The following CRMP1 variants were observed in gnomAD, a reference collection of about 807,000 sequenced individuals.
CRMP1 encodes collapsin response mediator protein 1.
Under a neutral mutation model 68.3 loss-of-function variants are expected in CRMP1, and 19 were observed. The observed-to-expected ratio is 0.28, with a 90% CI of 0.19 to 0.41. CRMP1 has a LOEUF of 0.41. Among genes scored for constraint, CRMP1 ranks in the 10% least tolerant of loss-of-function variants. The pLI is 1.00. For synonymous variants in CRMP1, 439 were observed against 399.6 expected, an observed-to-expected ratio of 1.10 and a Z score of -1.18; for missense variants, 791 against 967.4, an observed-to-expected ratio of 0.82 and a Z score of 2.42.
At chr4:5,852,305 CAA>C (rs550162795) in intron 4 of CRMP1, among the ~76,000 whole-genome samples, 2 of 152,208 alleles carry the variant, frequency 1.3e-5, no homozygotes, top group Admixed American at 6.5e-5. Flanking sequence ...CCCATTTCTG[CAA>C]AGAGGACATT....
chr4:5,836,078 C>T lies in CRMP1; in HGVS notation c.1460G>A (p.Gly487Asp). ...TVVWDKAVAT[G>D]KMDENQFVAV... ...GACAAACTGGTTCTCATCCATTTTG[C>T]CAGTAGCCTACAGGCAAGACCCACA... The change falls in exon 11 of 14, where the codon GGC becomes GAC. Residue 487 changes from glycine to aspartate, a missense_variant. Transcript: ENST00000324989. The T allele has an allele frequency of 6.6e-7, 1 of 1,517,262 alleles. No homozygotes were observed. The highest frequency in any genetic ancestry group is 8.8e-7 in the Non-Finnish European group (1 of 1,134,430). 94.0% of individuals were successfully genotyped at this position (1,517,262 alleles called of 1,614,324 possible). A position where few individuals can be genotyped will look rare whatever the true frequency, so the allele number is the denominator to read the frequency against.
chr4:5,846,794 T>TA (rs1712249913), intron 6 of CRMP1, among the ~76,000 whole-genome samples: 1 of 92,442 alleles, frequency 1.1e-5, no homozygotes. Flanking sequence ...TTTTTTTTTT[T>TA]AGTAGAGGCA....
rs372859775 is a variant in CRMP1, at chr4:5,849,529, C to T, written c.883-57G>A. 4.4e-4 allele frequency: 514 copies of T among 1,169,668 alleles called. 1 individual carries two copies. The African/African-American group carries it at 6.9e-3, about 16-fold the overall frequency. The allele number at this position is 1,169,668 out of a possible 1,614,324, so 72.5% of individuals were successfully genotyped here. The stretch of plus-strand genomic sequence containing the variant: ...ATTTAAAAAAAAAAAAAAATCACAG[C>T]GTGTGCATTCATGAAGACCGTTCCG... On this transcript the variant is annotated intron_variant, in intron 5 of 13. Coordinates refer to ENST00000324989, the MANE Select transcript of CRMP1 (RefSeq NM_001014809.3).
At position 5,835,968 on chromosome 4, in the gene CRMP1, C is replaced by T; in HGVS notation, c.1570G>A (p.Val524Ile). 1.3e-6 allele frequency: 2 copies of T among 1,596,846 alleles called. No homozygotes were observed. Among genetic ancestry groups the T allele is most frequent in the South Asian group, 1.1e-5 (1 of 87,566 alleles). The change falls in exon 11 of 14, where the codon GTC becomes ATC. Residue 524 changes from valine (V) to isoleucine (I), a missense_variant. Physicochemically the swap from Val to Ile is conservative, Grantham distance 29. Transcript: ENST00000324989. ...TTCAACTTGTCGGGGTCCCAGATGA[C>T]CACGTCGGCATCCGAGCCCACGGCA... ...RIAVGSDADV[V>I]IWDPDKLKTI...
rs938849744 is a variant in CRMP1, at chr4:5,884,776, C to T, written c.381+7813G>A. On this transcript the variant is annotated intron_variant, in intron 1 of 13. Coordinates refer to ENST00000324989, the MANE Select transcript of CRMP1 (RefSeq NM_001014809.3). Reference sequence around the variant, plus strand: ...ATGAAGCTTCATTTTTAATAATACCCCGTCATCATCATGGTGGACACTCTT... The same window carrying T: ...ATGAAGCTTCATTTTTAATAATACCTCGTCATCATCATGGTGGACACTCTT... Among the ~76,000 whole-genome samples the T allele has an allele frequency of 3.9e-5, 6 of 151,948 alleles. 1 individual carries two copies. The highest frequency in any genetic ancestry group is 8.8e-5 in the Non-Finnish European group (6 of 68,008).
rs1221466438 is a variant in CRMP1 at position 5,855,101 on chromosome 4, A to G, written c.820+1042T>C. On this transcript the variant is annotated intron_variant, in intron 4 of 13. Coordinates refer to ENST00000324989, the MANE Select transcript of CRMP1 (RefSeq NM_001014809.3). This position sits in a 1 kb window ranked among gnomAD's most constrained non-coding sequence, Gnocchi z 4.9. ...CTCATAAAATGTTAAGTGAAAAAAG[A>G]AGGGTTCCACATAACAGCTATTGCA... 1.3e-5 allele frequency among the ~76,000 whole-genome samples: 2 copies of G among 152,224 alleles called. No homozygotes were observed. Among genetic ancestry groups the G allele is most frequent in the Non-Finnish European group, 2.9e-5 (2 of 68,036 alleles).
rs1388297768 is a variant in CRMP1, at chr4:5,888,649, C to T, written c.381+3940G>A. The T allele has an allele frequency of 1.0e-6, 1 of 974,030 alleles. No individual in the cohort carries two copies. Among genetic ancestry groups the T allele is most frequent in the East Asian group, 1.2e-4 (1 of 8,478 alleles). The allele number at this position is 974,030 out of a possible 1,614,324, so 60.3% of individuals were successfully genotyped here. On this transcript the variant is annotated intron_variant, in intron 1 of 13. Transcript: ENST00000324989. This position sits in a 1 kb window ranked among gnomAD's most constrained non-coding sequence, Gnocchi z 6.4. Reference sequence around the variant, plus strand: ...CGCCCCCCGCCCCCCACCCGCCCAGCCCCGCCGACCCCCGCCCTGCGCACA... The same window carrying T: ...CGCCCCCCGCCCCCCACCCGCCCAGTCCCGCCGACCCCCGCCCTGCGCACA...
At chr4:5,864,414 C>T (rs1256678270) in intron 2 of CRMP1, among the ~76,000 whole-genome samples, 2 of 152,218 alleles carry the variant, frequency 1.3e-5, no homozygotes, top group Non-Finnish European at 2.9e-5. Context: ...TTGACACATC[C>T]TGACACCCTT....
At chr4:5,871,946 C>A (rs1448663781) in intron 1 of CRMP1, among the ~76,000 whole-genome samples, 1 of 152,186 alleles carries the variant, frequency 6.6e-6, no homozygotes, top group East Asian at 1.9e-4. Flanking sequence ...TCTGATCCCA[C>A]CTCGCAGGGA....
intron 1 of CRMP1, among the ~76,000 whole-genome samples, chr4:5,886,230 C>T (rs1021005294): frequency 1.3e-5 from 2 of 152,214 alleles, no homozygotes; most frequent in Non-Finnish European, 2.9e-5. Context: ...ATTGAAACCA[C>T]CTTTAGAGGC....
chr4:5,840,533 G>C (rs1711642791), intron 8 of CRMP1, among the ~76,000 whole-genome samples: 2 of 152,266 alleles, frequency 1.3e-5, no homozygotes. Context: ...TGCAGCGAGG[G>C]GGGTGCCCTG....
At chr4:5,830,014 T>C (rs368392929) in intron 11 of CRMP1, among the ~76,000 whole-genome samples, 1 of 152,190 alleles carries the variant, frequency 6.6e-6, no homozygotes, top group South Asian at 2.1e-4. Flanking sequence ...GTAAACAGTA[T>C]CTATGTATAT....
rs1381118539 is a variant in CRMP1 at position 5,889,148 on chromosome 4, C to T, written c.381+3441G>A. Among the ~76,000 whole-genome samples the T allele has an allele frequency of 6.6e-6, 1 of 152,118 alleles. No homozygotes were observed. The highest frequency in any genetic ancestry group is 1.5e-5 in the Non-Finnish European group (1 of 68,014). On this transcript the variant is annotated intron_variant, in intron 1 of 13. Transcript: ENST00000324989. This position sits in a 1 kb window ranked among gnomAD's most constrained non-coding sequence, Gnocchi z 4.5. ...CACCCTCTCCATCCTAGCATTGAAC[C>T]AGCCCTCCCTGGGGGCCTCTAAGGT...
intron 4 of CRMP1, among the ~76,000 whole-genome samples, chr4:5,852,644 A>G (rs1712743359): frequency 6.6e-6 from 1 of 152,234 alleles, no homozygotes; most frequent in Non-Finnish European, 1.5e-5. Context: ...GTCCACTGAT[A>G]TTGGATGCAA....
intron 9 of CRMP1, among the ~76,000 whole-genome samples, chr4:5,837,496 T>C (rs925420570): frequency 1.4e-5 from 2 of 147,754 alleles, no homozygotes; most frequent in Admixed American, 1.3e-4. Context: ...GGCGTGGTGG[T>C]GGGCGCTTGT....
At position 5,872,125 on chromosome 4, in the gene CRMP1, ATAGAACT is replaced by A. The variant is rs372834779; in HGVS notation, c.382-5376_382-5370del. ...AGAATCCATGACACCTCATAAGAAG[ATAGAACT>A]TAGAACCCTCCCCCACCCAAGTAAT... On this transcript the variant is annotated intron_variant, in intron 1 of 13. Transcript: ENST00000324989. This position sits in a 1 kb window ranked among gnomAD's most constrained non-coding sequence, Gnocchi z 4.6. Among the ~76,000 whole-genome samples, 219 of 152,268 alleles carry A rather than the reference ATAGAACT, an allele frequency of 1.4e-3. 2 individuals are homozygous for A. The highest frequency in any genetic ancestry group is 4.6e-3 in the African/African-American group (192 of 41,560).
chr4:5,858,827 T>C lies in CRMP1; in HGVS notation c.655+2199A>G, dbSNP rs1409000853. Among the ~76,000 whole-genome samples the C allele has an allele frequency of 1.3e-5, 2 of 152,062 alleles. No homozygotes were observed. The highest frequency in any genetic ancestry group is 2.4e-5 in the African/African-American group (1 of 41,384). ...CCTCACAGGATGTCATCCCTCAATC[T>C]CGACACCCCTGCACCGTGGGCCTCC... is the stretch of plus-strand genomic sequence containing the variant. On this transcript the variant is annotated intron_variant, in intron 3 of 13. Coordinates refer to ENST00000324989, the MANE Select transcript of CRMP1 (RefSeq NM_001014809.3). The surrounding 1 kb of genome is among the most constrained non-coding windows in gnomAD (Gnocchi z 5.5).
At chr4:5,887,769 T>C in intron 1 of CRMP1, 3 of 986,158 alleles carry the variant, frequency 3.0e-6, no homozygotes, top group Non-Finnish European at 3.6e-6. Context: ...CTGGATGATC[T>C]TTTTCCCTCC....
In CRMP1 at chr4:5,851,447, G is replaced by A. The variant is rs987207908; in HGVS notation, c.843C>T (p.Tyr281=). 2 of 1,614,150 alleles carry A rather than the reference G, an allele frequency of 1.2e-6. No homozygotes were observed. The highest frequency in any genetic ancestry group is 8.5e-7 in the Non-Finnish European group (1 of 1,179,986). ...TTTGGTAGACATCCTTATAGGCCAT[G>A]TAGACTTGGAAGGAATTGACGCCTG... is the stretch of plus-strand genomic sequence containing the variant. ...QDKGVNSFQV[Y]MAYKDVYQMS... is the part of the protein sequence containing the mutation. Residue 281 remains tyrosine, a synonymous_variant, in exon 5 of 14, where the codon TAC becomes TAT. Coordinates refer to ENST00000324989, the MANE Select transcript of CRMP1 (RefSeq NM_001014809.3).
Sources: allele counts gnomAD v4.1 joint callset (sites outside exome capture counted in the v4.1 genomes callset), GRCh38; gene constraint gnomAD v4.1.1; non-coding constraint Gnocchi (gnomAD v3.1); transcripts MANE v1.5; gene names NCBI Gene and HGNC (gene_info 2026-07-23, HGNC 2026-07-21).